The following PCDHGA2 variants were observed in gnomAD, a reference collection of about 807,000 sequenced individuals.
PCDHGA2 encodes protocadherin gamma-A2.
Under a neutral mutation model 59.2 loss-of-function variants are expected in PCDHGA2, and 40 were observed. The observed-to-expected ratio is 0.68, with a 90% CI of 0.52 to 0.88. The LOEUF is 0.88. Ranked by LOEUF, PCDHGA2 falls within the 40% of genes least tolerant of loss-of-function variation. The pLI is 0.00. For missense variants in PCDHGA2, 1,226 were observed against 1,204.0 expected (o/e 1.02, Z -0.27); for synonymous variants, 560 against 526.0 (o/e 1.06, Z -0.89).
Position 141,423,433 on chromosome 5 carries a change from A to G in PCDHGA2, c.2425-71374A>G, listed in dbSNP as rs746170494. ...GGCTTCTGAAGGCGGGTTGGCAGGT[A>G]TGCCCACGTCACATTTTGTAGGCGT... On this transcript the variant is annotated intron_variant, in intron 1 of 3. Coordinates refer to ENST00000394576, the MANE Select transcript of PCDHGA2 (RefSeq NM_018915.4). 3.1e-6 allele frequency: 5 copies of G among 1,614,010 alleles called. No homozygotes were observed. The East Asian group carries it at 8.9e-5, about 29-fold the overall frequency.
rs150897033 is a variant in PCDHGA2, at chr5:141,453,434, G to C, written c.2425-41373G>C. Among the ~76,000 whole-genome samples the C allele has an allele frequency of 3.9e-3, 592 of 151,994 alleles. 6 individuals are homozygous for C. The highest frequency in any genetic ancestry group is 0.011 in the Admixed American group (171 of 15,256). On this transcript the variant is annotated intron_variant, in intron 1 of 3. Coordinates refer to ENST00000394576, the MANE Select transcript of PCDHGA2 (RefSeq NM_018915.4). Reference sequence around the variant, plus strand: ...GGCATAAGCCACCACACCTAGCCTAGTATTCTTTTTTGAATATGTAAAACA... The same window carrying C: ...GGCATAAGCCACCACACCTAGCCTACTATTCTTTTTTGAATATGTAAAACA...
chr5:141,347,751 C>A (rs1020160547), intron 1 of PCDHGA2, among the ~76,000 whole-genome samples: 4 of 150,558 alleles, frequency 2.7e-5, no homozygotes, highest in Admixed American at 2.0e-4. Flanking sequence ...TGGGCCACTG[C>A]ACTCCAGCTG....
intron 1 of PCDHGA2, among the ~76,000 whole-genome samples, chr5:141,464,934 G>T (rs1353581045): frequency 1.3e-5 from 2 of 151,416 alleles, no homozygotes; most frequent in African/African-American, 4.8e-5. Flanking sequence ...GAGATGTGAG[G>T]TCTCACTATG....
Position 141,477,464 on chromosome 5 carries a change from A to G in PCDHGA2, c.2425-17343A>G. The G allele has an allele frequency of 1.2e-6, 2 of 1,614,188 alleles. No homozygotes were observed. The highest frequency in any genetic ancestry group is 1.7e-6 in the Non-Finnish European group (2 of 1,180,034). On this transcript the variant is annotated intron_variant, in intron 1 of 3. Coordinates refer to ENST00000394576, the MANE Select transcript of PCDHGA2 (RefSeq NM_018915.4). This position sits in a 1 kb window ranked among gnomAD's most constrained non-coding sequence, Gnocchi z 4.9. ...AATAGTGCGTGTTCAAGTGTCCGAC[A>G]TCAATGACAACCCTCCACAATCTTC...
chr5:141,422,106 C>G (rs763336868), intron 1 of PCDHGA2: 1 of 1,607,266 alleles, frequency 6.2e-7, no homozygotes, highest in Admixed American at 1.7e-5. Flanking sequence ...CTGAAATATT[C>G]CAATTGGATT....
chr5:141,432,374 C>T lies in PCDHGA2; in HGVS notation c.2425-62433C>T. The T allele has an allele frequency of 6.2e-7, 1 of 1,614,240 alleles. No individual in the cohort carries two copies. The highest frequency in any genetic ancestry group is 1.1e-5 in the South Asian group (1 of 91,082). ...GAAAGTGATGGCGCGGGACAACGGG[C>T]ACCCGCCCCTCAGCAGCAACGTGTC... On this transcript the variant is annotated intron_variant, in intron 1 of 3. Transcript: ENST00000394576. The surrounding 1 kb of genome is among the most constrained non-coding windows in gnomAD (Gnocchi z 6.0).
chr5:141,418,948 A>G (rs767664022), intron 1 of PCDHGA2: 1 of 1,614,042 alleles, frequency 6.2e-7, no homozygotes, highest in Non-Finnish European at 8.5e-7. Context: ...CCCCTCCAGG[A>G]GTGGTTGTTG....
In PCDHGA2 at chr5:141,423,110, G is replaced by A. The variant is rs62621243; in HGVS notation, c.2425-71697G>A. On this transcript the variant is annotated intron_variant, in intron 1 of 3. Coordinates refer to ENST00000394576, the MANE Select transcript of PCDHGA2 (RefSeq NM_018915.4). ...GTGGGGGAGCACACGGGCGAGGTGC[G>A]TACAGCGCGGGCACTGCTGGACAGA... The A allele has an allele frequency of 0.016, 25,324 of 1,613,842 alleles. 257 individuals carry two copies. Among genetic ancestry groups the A allele is most frequent in the Non-Finnish European group, 0.019 (22,060 of 1,179,980 alleles).
intron 1 of PCDHGA2, among the ~76,000 whole-genome samples, chr5:141,465,368 A>C (rs940928815): frequency 1.3e-5 from 2 of 152,114 alleles, no homozygotes; most frequent in Admixed American, 6.6e-5. Flanking sequence ...TGCCCTTTAA[A>C]GTTGTAAGAT....
intron 1 of PCDHGA2, chr5:141,370,240 G>A: frequency 1.6e-6 from 1 of 624,266 alleles, no homozygotes; most frequent in Non-Finnish European, 2.6e-6. Flanking sequence ...CGGAAGAAAA[G>A]TGCACTCTCT....
intron 1 of PCDHGA2, chr5:141,413,463 G>A: frequency 6.2e-7 from 1 of 1,614,128 alleles, no homozygotes; most frequent in African/African-American, 1.3e-5. Flanking sequence ...GGATAGACCG[G>A]GAGGAGCTCT....
chr5:141,413,649 C>G, intron 1 of PCDHGA2: 1 of 1,613,836 alleles, frequency 6.2e-7, no homozygotes, highest in South Asian at 1.1e-5. Flanking sequence ...GTTTTCCTCT[C>G]CCGGAAGCTA....
chr5:141,432,128 T>C lies in PCDHGA2; in HGVS notation c.2425-62679T>C. 3 of 1,614,080 alleles carry C rather than the reference T, an allele frequency of 1.9e-6. No homozygotes were observed. Among genetic ancestry groups the C allele is most frequent in the Non-Finnish European group, 2.5e-6 (3 of 1,180,016 alleles). On this transcript the variant is annotated intron_variant, in intron 1 of 3. Coordinates refer to ENST00000394576, the MANE Select transcript of PCDHGA2 (RefSeq NM_018915.4). This position sits in a 1 kb window ranked among gnomAD's most constrained non-coding sequence, Gnocchi z 6.0. ...CCCGCCGGTCTTCCCTCAGGCCTCC[T>C]ATTCCGCTTATATCCCAGAGAACAA... is the stretch of plus-strand genomic sequence containing the variant.
chr5:141,451,745 G>T (rs562443882), intron 1 of PCDHGA2, among the ~76,000 whole-genome samples: 36 of 152,242 alleles, frequency 2.4e-4, no homozygotes, highest in Middle Eastern at 3.4e-3. Context: ...AGCTGGTCTG[G>T]TGGTGCATGC....
chr5:141,367,098 G>A, intron 1 of PCDHGA2: 1 of 248,510 alleles, frequency 4.0e-6, no homozygotes. Flanking sequence ...TCTTTTGAGT[G>A]TCTGCCTAGA....
In PCDHGA2 at chr5:141,485,125, G is replaced by A. The variant is rs776015544; in HGVS notation, c.2425-9682G>A. 7.1e-7 allele frequency: 1 copy of A among 1,412,160 alleles called. No homozygotes were observed. The highest frequency in any genetic ancestry group is 1.2e-5 in the South Asian group (1 of 81,022). The allele number at this position is 1,412,160 out of a possible 1,614,324, so 87.5% of individuals were successfully genotyped here. On this transcript the variant is annotated intron_variant, in intron 1 of 3. Transcript: ENST00000394576. This position sits in a 1 kb window ranked among gnomAD's most constrained non-coding sequence, Gnocchi z 5.7. ...CTGCTGTGGCTGTTTGGGGCGGGTC[G>A]GCTTCATCCGCGTCTCAGGAGCAAG... is the stretch of plus-strand genomic sequence containing the variant.
In PCDHGA2 at chr5:141,410,525, T is replaced by G. The variant is rs6891442; in HGVS notation, c.2424+69130T>G. The G allele has an allele frequency of 1.9e-3, 3,112 of 1,613,920 alleles. 62 individuals are homozygous for G. In the African/African-American group the frequency reaches 0.034, roughly 18 times the overall value. On this transcript the variant is annotated intron_variant, in intron 1 of 3. Transcript: ENST00000394576. ...CCTAAAATGCAGTGTGCCCCTACAT[T>G]CCAATGAAGACATGGTTTGCAGTGT...
intron 1 of PCDHGA2, chr5:141,372,345 C>G: frequency 1.2e-6 from 2 of 1,613,816 alleles, no homozygotes; most frequent in South Asian, 2.2e-5. Context: ...TGATGGAGGA[C>G]AGCAGCCTCT....
At chr5:141,397,858 C>G in intron 1 of PCDHGA2, 2 of 559,034 alleles carry the variant, frequency 3.6e-6, no homozygotes, top group South Asian at 2.6e-5. Context: ...GCTGTAGTTT[C>G]CTAGTGCTGA....
Sources: gnomAD v4.1 joint callset for allele counts (sites outside exome capture counted in the v4.1 genomes callset) on GRCh38, gnomAD v4.1.1 for gene constraint, Gnocchi (gnomAD v3.1) non-coding constraint, MANE v1.5 for transcripts, NCBI Gene and HGNC (gene_info 2026-07-23, HGNC 2026-07-21) for gene names.